Variants in KCNB2 observed in about 807,000 individuals in gnomAD.
The protein encoded by KCNB2 is delayed rectifier potassium channel protein.
In KCNB2, 15 loss-of-function variants were observed where a neutral mutation model predicts 61.5. That is an observed-to-expected ratio of 0.24 (90% CI 0.16 to 0.38). The LOEUF is 0.38. Ranked by LOEUF, KCNB2 falls within the 10% of genes least tolerant of loss-of-function variation. The probability of loss-of-function intolerance (pLI) is 1.00; values close to 1 mark genes in which losing one functional copy is unlikely to be tolerated. For missense variants in KCNB2, 828 were observed against 1,125.2 expected (o/e 0.74, Z 3.78); for synonymous variants, 457 against 446.0 (o/e 1.02, Z -0.31).
At chr8:72,590,819 C>T (rs1467757364) in intron 2 of KCNB2, among the ~76,000 whole-genome samples, 1 of 152,126 alleles carries the variant, frequency 6.6e-6, no homozygotes, top group East Asian at 1.9e-4. Flanking sequence ...TTCGATTTCT[C>T]AGGATGTGTA....
At chr8:72,705,628 G>A (rs1176622160) in intron 2 of KCNB2, among the ~76,000 whole-genome samples, 1 of 152,214 alleles carries the variant, frequency 6.6e-6, no homozygotes, top group Non-Finnish European at 1.5e-5. Context: ...TGTAGTGGTA[G>A]GGTAGCTCAG....
rs750665772 is a variant in KCNB2, at chr8:72,936,679, C to A, written c.1324C>A (p.Arg442=). The A allele has an allele frequency of 6.2e-7, 1 of 1,614,102 alleles. No homozygotes were observed. The highest frequency in any genetic ancestry group is 8.5e-7 in the Non-Finnish European group (1 of 1,179,998). ...KAIKRREALE[R]AKRNGSIVSM... ...AATTAAAAGGAGGGAGGCTCTTGAG[C>A]GGGCCAAAAGGAACGGAAGCATCGT... Residue 442 remains arginine, a synonymous_variant, in exon 3 of 3, where the codon CGG becomes AGG. Transcript: ENST00000523207. The surrounding 1 kb of genome is among the most constrained non-coding windows in gnomAD (Gnocchi z 5.6).
intron 2 of KCNB2, among the ~76,000 whole-genome samples, chr8:72,794,390 C>T (rs1479733963): frequency 6.6e-6 from 1 of 151,876 alleles, no homozygotes; most frequent in African/African-American, 2.4e-5. Context: ...CATGGTGAAA[C>T]CCCGTCTCTA....
At chr8:72,589,863 C>G (rs572779110) in intron 2 of KCNB2, among the ~76,000 whole-genome samples, 1 of 152,152 alleles carries the variant, frequency 6.6e-6, no homozygotes, top group African/African-American at 2.4e-5. Context: ...CAACTAAGGG[C>G]AGGCATGTGA....
chr8:72,818,369 T>C (rs1348848003), intron 2 of KCNB2, among the ~76,000 whole-genome samples: 1 of 152,144 alleles, frequency 6.6e-6, no homozygotes, highest in African/African-American at 2.4e-5. Flanking sequence ...AGAACTTGAT[T>C]TGGAGTAATT....
intron 2 of KCNB2, among the ~76,000 whole-genome samples, chr8:72,656,632 T>C (rs994456425): frequency 6.6e-5 from 10 of 152,192 alleles, no homozygotes; most frequent in Non-Finnish European, 1.5e-4. Flanking sequence ...ATAATGAGAA[T>C]CTTAGGTTTT....
At chr8:72,861,864 ACTTT>A (rs1805420189) in intron 2 of KCNB2, among the ~76,000 whole-genome samples, 1 of 152,098 alleles carries the variant, frequency 6.6e-6, no homozygotes, top group Non-Finnish European at 1.5e-5. Flanking sequence ...GTGGCCAAAG[ACTTT>A]CTTTATCAGA....
At chr8:72,651,558 C>A (rs1347916867) in intron 2 of KCNB2, among the ~76,000 whole-genome samples, 1 of 152,088 alleles carries the variant, frequency 6.6e-6, no homozygotes, top group Non-Finnish European at 1.5e-5. Context: ...AGTGCTGAGC[C>A]ACACAAACCA....
chr8:72,638,972 A>T (rs911188845), intron 2 of KCNB2, among the ~76,000 whole-genome samples: 1 of 152,142 alleles, frequency 6.6e-6, no homozygotes, highest in Non-Finnish European at 1.5e-5. Flanking sequence ...GATCACTGTG[A>T]CTTCCTTGAA....
intron 2 of KCNB2, among the ~76,000 whole-genome samples, chr8:72,663,340 G>C (rs1806411193): frequency 1.3e-5 from 2 of 152,178 alleles, no homozygotes. Context: ...GATGTCATCA[G>C]AGAATAGTGG....
Position 72,656,643 on chromosome 8 carries a change from C to G in KCNB2, c.579+88330C>G, listed in dbSNP as rs115397855. On this transcript the variant is annotated intron_variant, in intron 2 of 2. Transcript: ENST00000523207. ...GATTATAATGAGAATCTTAGGTTTT[C>G]ACAATTTGGTCGTTTTCTAAGCCTT... is the stretch of plus-strand genomic sequence containing the variant. 5.2e-3 allele frequency among the ~76,000 whole-genome samples: 785 copies of G among 152,224 alleles called. 9 individuals carry two copies. Among genetic ancestry groups the G allele is most frequent in the African/African-American group, 0.018 (738 of 41,562 alleles).
chr8:72,812,509 C>A (rs1458731758), intron 2 of KCNB2, among the ~76,000 whole-genome samples: 2 of 151,824 alleles, frequency 1.3e-5, no homozygotes, highest in East Asian at 3.9e-4. Context: ...ACACAGATGA[C>A]AAATGGATAG....
chr8:72,725,557 G>GTATGTATATA (rs1807625235), intron 2 of KCNB2, among the ~76,000 whole-genome samples: 4 of 55,012 alleles, frequency 7.3e-5, no homozygotes, highest in Non-Finnish European at 1.6e-4. Flanking sequence ...ATATATATAT[G>GTATGTATATA]TATATATGTA....
intron 2 of KCNB2, among the ~76,000 whole-genome samples, chr8:72,699,387 A>G (rs2449105): frequency 0.25 from 37,626 of 151,768 alleles, 7,971 homozygotes; most frequent in African/African-American, 0.58. Context: ...CCGCATAAAT[A>G]TCTTCTTTTG....
intron 2 of KCNB2, among the ~76,000 whole-genome samples, chr8:72,695,973 T>C (rs1807011271): frequency 6.6e-6 from 1 of 152,202 alleles, no homozygotes; most frequent in African/African-American, 2.4e-5. Flanking sequence ...TAGATTGAGT[T>C]GAATCAGGGT....
chr8:72,726,107 G>C (rs1306917389), intron 2 of KCNB2, among the ~76,000 whole-genome samples: 1 of 152,144 alleles, frequency 6.6e-6, no homozygotes, highest in Admixed American at 6.5e-5. Context: ...GTTGGAGATG[G>C]GACTTTTAAG....
intron 2 of KCNB2, among the ~76,000 whole-genome samples, chr8:72,576,292 G>C (rs1164673421): frequency 6.6e-6 from 1 of 152,224 alleles, no homozygotes; most frequent in East Asian, 1.9e-4. Flanking sequence ...TAAGCTTGGT[G>C]TGTAGGAGCT....
intron 2 of KCNB2, among the ~76,000 whole-genome samples, chr8:72,739,814 AT>A (rs1430657281): frequency 1.3e-5 from 2 of 152,170 alleles, no homozygotes; most frequent in Non-Finnish European, 2.9e-5. Flanking sequence ...GTAGTACCAT[AT>A]TGTTCACCCT....
intron 2 of KCNB2, among the ~76,000 whole-genome samples, chr8:72,670,456 G>T (rs1806545936): frequency 6.6e-6 from 1 of 151,988 alleles, no homozygotes; most frequent in South Asian, 2.1e-4. Context: ...AGATTTCATG[G>T]GAACAGTCTG....
Sources: allele counts gnomAD v4.1 joint callset (sites outside exome capture counted in the v4.1 genomes callset), GRCh38; gene constraint gnomAD v4.1.1; non-coding constraint Gnocchi (gnomAD v3.1); transcripts MANE v1.5; gene names NCBI Gene and HGNC (gene_info 2026-07-23, HGNC 2026-07-21).